DLGAP2: variants seen among roughly 807,000 people sequenced by gnomAD.
DLGAP2 encodes DLG associated protein 2, also known as disks large-associated protein 2.
In DLGAP2, 26 loss-of-function variants were observed where a neutral mutation model predicts 100.3. The observed-to-expected ratio is 0.26, with a 90% CI of 0.19 to 0.36. The LOEUF is 0.36. DLGAP2 is among the 10% of genes least tolerant of loss of function. The pLI, the probability that DLGAP2 is intolerant of heterozygous loss-of-function variation, is 1.00. For synonymous variants in DLGAP2, 886 were observed against 630.1 expected, an observed-to-expected ratio of 1.41 and a Z score of -6.08; for missense variants, 1,858 against 1,453.2, an observed-to-expected ratio of 1.28 and a Z score of -4.53.
At chr8:1,165,453 T>TC (rs1344847386) in intron 2 of DLGAP2, among the ~76,000 whole-genome samples, 1 of 152,210 alleles carries the variant, frequency 6.6e-6, no homozygotes. Flanking sequence ...TGCATGTGTG[T>TC]CTGTGCATTT....
chr8:1,659,588 T>A (rs1798363753), intron 8 of DLGAP2, among the ~76,000 whole-genome samples: 3 of 152,142 alleles, frequency 2.0e-5, no homozygotes, highest in Admixed American at 2.0e-4. Context: ...TTCCTTTACC[T>A]TTAGGCAATG....
At chr8:1,410,599 C>T (rs990318193) in intron 3 of DLGAP2, among the ~76,000 whole-genome samples, 1 of 152,182 alleles carries the variant, frequency 6.6e-6, no homozygotes, top group East Asian at 1.9e-4. Flanking sequence ...GAATGAAATA[C>T]AGTGAAATTA....
At chr8:1,263,517 T>C (rs534128019) in intron 3 of DLGAP2, among the ~76,000 whole-genome samples, 4 of 152,312 alleles carry the variant, frequency 2.6e-5, no homozygotes, top group African/African-American at 9.6e-5. Context: ...AATCAAGATA[T>C]TGGGAAAGTT....
chr8:769,797 C>T (rs900427121), intron 1 of DLGAP2, among the ~76,000 whole-genome samples: 4 of 152,124 alleles, frequency 2.6e-5, no homozygotes, highest in South Asian at 2.1e-4. Context: ...TCAATGGGAA[C>T]AGAAGCCACA....
intron 3 of DLGAP2, among the ~76,000 whole-genome samples, chr8:1,312,941 G>A (rs945997404): frequency 4.6e-5 from 7 of 152,160 alleles, no homozygotes; most frequent in South Asian, 2.1e-4. Context: ...CCCTACGTGC[G>A]GTATGGCCTG....
intron 1 of DLGAP2, among the ~76,000 whole-genome samples, chr8:897,759 A>C (rs547417854): frequency 6.6e-6 from 1 of 152,028 alleles, no homozygotes; most frequent in Non-Finnish European, 1.5e-5. Flanking sequence ...AGCACCGCAG[A>C]TGCTCTTCTG....
intron 3 of DLGAP2, among the ~76,000 whole-genome samples, chr8:1,289,469 C>A (rs1214022775): frequency 6.6e-6 from 1 of 152,168 alleles, no homozygotes; most frequent in African/African-American, 2.4e-5. Context: ...TTTTAAGCCC[C>A]TCTGCACACT....
chr8:746,934 G>C (rs923860213), intron 1 of DLGAP2, among the ~76,000 whole-genome samples: 1 of 152,160 alleles, frequency 6.6e-6, no homozygotes, highest in Non-Finnish European at 1.5e-5. Context: ...GGCGTGATGG[G>C]GACACCTTTG....
rs1447021423 is a variant in DLGAP2 at position 1,704,779 on chromosome 8, A to G, written c.*3373A>G. The G allele has an allele frequency of 5.3e-5, 8 of 151,256 alleles. No individual in the cohort carries two copies. Among genetic ancestry groups the G allele is most frequent in the Non-Finnish European group, 1.2e-4 (8 of 68,014 alleles). 9.4% of individuals were successfully genotyped at this position (151,256 alleles called of 1,614,324 possible). On this transcript the variant is annotated 3_prime_UTR_variant, in exon 15 of 15. Coordinates refer to ENST00000637795, the MANE Select transcript of DLGAP2 (RefSeq NM_001346810.2). ...AGGTTATCTGGTTTTAAAAGAAAAA[A>G]AAAAAGCCTACAAACTCAGTGACCT...
intron 2 of DLGAP2, among the ~76,000 whole-genome samples, chr8:1,079,969 C>G (rs540436390): frequency 1.3e-5 from 2 of 152,154 alleles, no homozygotes; most frequent in Admixed American, 1.3e-4. Context: ...TAACGTGGGT[C>G]CTGGTGACTG....
chr8:1,694,593 TC>T (rs913422741), intron 13 of DLGAP2, among the ~76,000 whole-genome samples: 59 of 152,212 alleles, frequency 3.9e-4, no homozygotes, highest in African/African-American at 1.4e-3. Flanking sequence ...CAGTTTGGTG[TC>T]CCCAGAAACT....
chr8:1,265,878 G>T (rs930544190), intron 3 of DLGAP2, among the ~76,000 whole-genome samples: 43 of 152,258 alleles, frequency 2.8e-4, no homozygotes, highest in African/African-American at 9.9e-4. Context: ...AGAGAAAAAG[G>T]CTCATACAAC....
intron 2 of DLGAP2, among the ~76,000 whole-genome samples, chr8:1,070,835 G>A (rs1461824816): frequency 6.6e-6 from 1 of 152,200 alleles, no homozygotes; most frequent in African/African-American, 2.4e-5. Flanking sequence ...GAGCTGGGCT[G>A]TGGTTGTTCC....
intron 3 of DLGAP2, among the ~76,000 whole-genome samples, chr8:1,326,956 C>A (rs756493605): frequency 1.3e-5 from 2 of 152,228 alleles, no homozygotes; most frequent in Non-Finnish European, 2.9e-5. Context: ...CTTTAGCCAG[C>A]ATAAAATGTC....
chr8:1,531,945 G>A (rs1584897405), intron 4 of DLGAP2, among the ~76,000 whole-genome samples: 1 of 152,164 alleles, frequency 6.6e-6, no homozygotes, highest in Non-Finnish European at 1.5e-5. Context: ...TGGTTGGGGC[G>A]CAGCTTGGTT....
At chr8:1,607,600 G>A (rs920847328) in intron 6 of DLGAP2, among the ~76,000 whole-genome samples, 1 of 150,570 alleles carries the variant, frequency 6.6e-6, no homozygotes, top group Non-Finnish European at 1.5e-5. Context: ...GCAGAAGACG[G>A]GTGATTTCTG....
chr8:1,392,911 T>C lies in DLGAP2; in HGVS notation c.107-108455T>C, dbSNP rs1223138057. 2.9e-5 allele frequency among the ~76,000 whole-genome samples: 4 copies of C among 136,814 alleles called. No individual in the cohort carries two copies. In the South Asian group the frequency reaches 8.2e-4, roughly 28 times the overall value. The allele number at this position is 136,814 out of a possible 152,430, so 89.8% of individuals were successfully genotyped here. A position where few individuals can be genotyped will look rare whatever the true frequency, so the allele number is the denominator to read the frequency against. ...TCTGTTTTTTTTTTGAGACGGAGTC[T>C]CTGTGACTCTTTTTTTACAACTATT... On this transcript the variant is annotated intron_variant, in intron 3 of 14. Coordinates refer to ENST00000637795, the MANE Select transcript of DLGAP2 (RefSeq NM_001346810.2).
chr8:1,407,430 G>C (rs1337296161), intron 3 of DLGAP2, among the ~76,000 whole-genome samples: 2 of 135,436 alleles, frequency 1.5e-5, no homozygotes, highest in Admixed American at 7.3e-5. Context: ...TTGTCCTCCA[G>C]AGTCGTGTAT....
intron 3 of DLGAP2, among the ~76,000 whole-genome samples, chr8:1,358,013 C>G (rs970543957): frequency 6.6e-6 from 1 of 152,156 alleles, no homozygotes; most frequent in Non-Finnish European, 1.5e-5. Context: ...CCTTGACAAA[C>G]CAAATGGAGG....
Sources: allele counts gnomAD v4.1 joint callset (sites outside exome capture counted in the v4.1 genomes callset), GRCh38; gene constraint gnomAD v4.1.1; transcripts MANE v1.5; gene names NCBI Gene and HGNC (gene_info 2026-07-23, HGNC 2026-07-21).